CCT6B: variants seen among roughly 807,000 people sequenced by gnomAD.
CCT6B encodes probable T-complex protein 1 subunit zeta-2.
A neutral mutation model predicts 61.5 loss-of-function variants in CCT6B; 49 were observed. That is an observed-to-expected ratio of 0.80 (90% CI 0.63 to 1.01). The LOEUF is 1.01. CCT6B is among the 50% of genes least tolerant of loss of function. The probability of loss-of-function intolerance (pLI) is 0.00; values close to 1 mark genes in which losing one functional copy is unlikely to be tolerated. For synonymous variants in CCT6B, 228 were observed against 214.5 expected, an observed-to-expected ratio of 1.06 and a Z score of -0.55; for missense variants, 666 against 634.7, an observed-to-expected ratio of 1.05 and a Z score of -0.53.
intron 3 of CCT6B, among the ~76,000 whole-genome samples, chr17:34,955,999 C>T (rs1567673562): frequency 6.6e-6 from 1 of 152,182 alleles, no homozygotes; most frequent in African/African-American, 2.4e-5. Flanking sequence ...CTCATCCAGA[C>T]TATCATGAAA....
At chr17:34,939,161 T>C in intron 10 of CCT6B, 22 bp downstream of exon 10, 2 of 1,604,126 alleles carry the variant, frequency 1.2e-6, no homozygotes, top group Non-Finnish European at 1.7e-6. Context: ...GAGGTTCATA[T>C]CAATCACAAG....
chr17:34,956,067 C>T (rs1052295418), intron 3 of CCT6B, among the ~76,000 whole-genome samples: 13 of 152,296 alleles, frequency 8.5e-5, no homozygotes, highest in South Asian at 2.1e-4. Context: ...GCCAACCTGA[C>T]CATATCAGTC....
intron 12 of CCT6B, among the ~76,000 whole-genome samples, chr17:34,929,491 CTTTT>C (rs112985335): frequency 7.9e-6 from 1 of 126,760 alleles, no homozygotes. Flanking sequence ...TGTTTTCTTT[CTTTT>C]TTTTTTTTTT....
In CCT6B at chr17:34,942,594, A is replaced by G. The variant is rs2090176890; in HGVS notation, c.775T>C (p.Leu259=). The G allele has an allele frequency of 1.2e-6, 2 of 1,607,666 alleles. No individual in the cohort carries two copies. The highest frequency in any genetic ancestry group is 1.7e-4 in the Middle Eastern group (1 of 5,928). ...FYKTAEEKEK[L]VKAERKFIED... ...ATAAATTTTCTTTCAGCTTTTACCA[A>G]TTTCTCTTTCTCTTCTGCAGTCTTA... is the stretch of plus-strand genomic sequence containing the variant. The change falls in exon 7 of 14, where the codon TTG becomes CTG. Residue 259 remains leucine, a synonymous_variant. Transcript: ENST00000314144.
In CCT6B at chr17:34,928,974, AGTT is replaced by A. The variant is rs1166560423; in HGVS notation, c.1508_1510del (p.Gln503del). 6.3e-7 allele frequency: 1 copy of A among 1,592,002 alleles called. No individual in the cohort carries two copies. Among genetic ancestry groups the A allele is most frequent in the Non-Finnish European group, 8.6e-7 (1 of 1,160,934 alleles). On this transcript the variant is annotated inframe_deletion, in exon 13 of 14. Coordinates refer to ENST00000314144, the MANE Select transcript of CCT6B (RefSeq NM_006584.4). The stretch of plus-strand genomic sequence containing the variant: ...CATATGAACTTACCAAGAGTGAAGA[AGTT>A]GTTTTTTTACACAATAATTATCCCA...
rs762635692 is a variant in CCT6B at position 34,958,587 on chromosome 17, T to A, written c.309A>T (p.Leu103Phe). The A allele has an allele frequency of 6.3e-7, 1 of 1,584,208 alleles. No individual in the cohort carries two copies. Among genetic ancestry groups the A allele is most frequent in the South Asian group, 1.2e-5 (1 of 84,170 alleles). Residue 103 changes from leucine (L) to phenylalanine (F), a missense_variant, in exon 3 of 14, where the codon TTA becomes TTT. By Grantham distance (22) the Leu-to-Phe change is conservative. Transcript: ENST00000314144. ...CAGAAATGTACAGGTCAGCTTGTTT[T>A]AATAACTCTCCAATAATTAGAACAT... ...TSNVLIIGEL[L>F]KQADLYISEG... is the part of the protein sequence containing the mutation.
chr17:34,953,341 A>ATTTTT (rs201276129), intron 4 of CCT6B, among the ~76,000 whole-genome samples: 2 of 139,828 alleles, frequency 1.4e-5, no homozygotes, highest in African/African-American at 2.6e-5. Context: ...ATATATATAT[A>ATTTTT]TTTTTTTGAG....
chr17:34,941,789 C>G (rs1341747366), intron 7 of CCT6B, among the ~76,000 whole-genome samples: 1 of 152,154 alleles, frequency 6.6e-6, no homozygotes, highest in African/African-American at 2.4e-5. Context: ...AAGTTCCCAG[C>G]CCCATAATCC....
At chr17:34,940,676 A>G in intron 7 of CCT6B, 55 bp from the exon 8 acceptor site, 1 of 968,134 alleles carries the variant, frequency 1.0e-6, no homozygotes, top group Non-Finnish European at 1.6e-6. Flanking sequence ...GTATTTCTCA[A>G]ACCTTTTGGT....
At chr17:34,929,783 G>A (rs2090014848) in intron 12 of CCT6B, among the ~76,000 whole-genome samples, 2 of 152,000 alleles carry the variant, frequency 1.3e-5, no homozygotes, top group African/African-American at 2.4e-5. Context: ...CAGAGTGCTG[G>A]GATTACAGGC....
chr17:34,939,108 G>C, intron 10 of CCT6B, 75 bp downstream of exon 10: 2 of 1,155,826 alleles, frequency 1.7e-6, no homozygotes, highest in Non-Finnish European at 2.5e-6. Flanking sequence ...TACATACATA[G>C]GTGTGTGTGT....
chr17:34,955,256 T>C (rs924665432), intron 3 of CCT6B, among the ~76,000 whole-genome samples: 2 of 152,212 alleles, frequency 1.3e-5, no homozygotes, highest in African/African-American at 4.8e-5. Context: ...CTTAGATCTT[T>C]TTTTTCTATA....
chr17:34,955,341 ATGT>A (rs935984806), intron 3 of CCT6B, among the ~76,000 whole-genome samples: 1 of 152,202 alleles, frequency 6.6e-6, no homozygotes, highest in African/African-American at 2.4e-5. Context: ...CAATGTGTTA[ATGT>A]TATTATTAAT....
chr17:34,942,427 T>A, intron 7 of CCT6B, 57 bp downstream of exon 7: 1 of 1,452,932 alleles, frequency 6.9e-7, no homozygotes, highest in South Asian at 1.3e-5. Flanking sequence ...CAGACCACAC[T>A]TCAAGAAATG....
At chr17:34,934,551 C>T (rs1232540362) in intron 10 of CCT6B, among the ~76,000 whole-genome samples, 2 of 152,108 alleles carry the variant, frequency 1.3e-5, no homozygotes, top group Non-Finnish European at 2.9e-5. Flanking sequence ...AGTTGATGAT[C>T]CTAACTTAGA....
At chr17:34,945,812 T>C (rs967413211) in intron 5 of CCT6B, among the ~76,000 whole-genome samples, 5 of 152,280 alleles carry the variant, frequency 3.3e-5, no homozygotes, top group Non-Finnish European at 7.4e-5. Context: ...CTTAGCAACA[T>C]TGAAGAGCTA....
intron 13 of CCT6B, 149 bp downstream of exon 13, chr17:34,928,811 CAG>C (rs2089998511): frequency 2.0e-6 from 1 of 499,836 alleles, no homozygotes; most frequent in African/African-American, 2.0e-5. Flanking sequence ...TATAAAATGA[CAG>C]AAGCTAGTTC....
intron 5 of CCT6B, among the ~76,000 whole-genome samples, chr17:34,946,333 T>C (rs1024299072): frequency 6.6e-6 from 1 of 152,090 alleles, no homozygotes. Context: ...CAGTAAAATA[T>C]AATAAACACC....
Position 34,928,135 on chromosome 17 carries a change from A to T in CCT6B, c.1524-18T>A. ...TCACTGTGCTAAGGAAAAAGATGAGAGGGTGAGTAAAGCCTACTAACCCAC... is the reference window on the plus strand; with the variant it reads ...TCACTGTGCTAAGGAAAAAGATGAGTGGGTGAGTAAAGCCTACTAACCCAC... On this transcript the variant is annotated intron_variant, in intron 13 of 13. Coordinates refer to ENST00000314144, the MANE Select transcript of CCT6B (RefSeq NM_006584.4). 1 of 1,581,134 alleles carries T rather than the reference A, an allele frequency of 6.3e-7. No homozygotes were observed. Among genetic ancestry groups the T allele is most frequent in the Non-Finnish European group, 8.7e-7 (1 of 1,153,892 alleles).
Sources: gnomAD v4.1 joint callset for allele counts (sites outside exome capture counted in the v4.1 genomes callset) on GRCh38, gnomAD v4.1.1 for gene constraint, MANE v1.5 for transcripts, NCBI Gene and HGNC (gene_info 2026-07-23, HGNC 2026-07-21) for gene names.